Variants in C5orf46 observed in about 807,000 individuals in gnomAD.
C5orf46 encodes the protein chromosome 5 open reading frame 46, also known as uncharacterized protein C5orf46.
A neutral mutation model predicts 8.9 loss-of-function variants in C5orf46; 9 were observed. That is an observed-to-expected ratio of 1.01 (90% CI 0.61 to 1.76). The LOEUF is 1.76. Among genes scored for constraint, C5orf46 ranks in the 40% most tolerant of loss-of-function variants. The probability of loss-of-function intolerance (pLI) is 0.00; values close to 1 mark genes in which losing one functional copy is unlikely to be tolerated. For missense variants in C5orf46, 98 were observed against 107.8 expected, an observed-to-expected ratio of 0.91 and a Z score of 0.40; for synonymous variants, 47 against 41.4, an observed-to-expected ratio of 1.14 and a Z score of -0.52.
chr5:147,892,476 T>C (rs1757517238), downstream of C5orf46, among the ~76,000 whole-genome samples: 2 of 152,190 alleles, frequency 1.3e-5, no homozygotes, highest in African/African-American at 4.8e-5. Flanking sequence ...ATTGCATACA[T>C]TTTTAGGAGT....
rs1361848127 is a variant in C5orf46, at chr5:147,892,841, A to T, written c.*108T>A. 6.6e-6 allele frequency: 1 copy of T among 152,168 alleles called. No homozygotes were observed. Among genetic ancestry groups the T allele is most frequent in the Admixed American group, 6.5e-5 (1 of 15,268 alleles). 9.4% of individuals were successfully genotyped at this position (152,168 alleles called of 1,614,324 possible). On this transcript the variant is annotated 3_prime_UTR_variant, in exon 4 of 4. Transcript: ENST00000318315. Reference sequence around the variant, plus strand: ...GCCTGAATCCTGAGAACTCGTTGGGAGTTGCTTTGAGGGCTCTGTCCTGGA... The same window carrying T: ...GCCTGAATCCTGAGAACTCGTTGGGTGTTGCTTTGAGGGCTCTGTCCTGGA...
chr5:147,899,534 C>T (rs998448246), intron 2 of C5orf46, among the ~76,000 whole-genome samples: 1 of 152,122 alleles, frequency 6.6e-6, no homozygotes, highest in African/African-American at 2.4e-5. Context: ...GATATCTTTC[C>T]TTAATTAATT....
At chr5:147,886,348 C>CT (rs1325721120) in intron 2 of C5orf46, 1 of 151,912 alleles carries the variant, frequency 6.6e-6, no homozygotes, top group East Asian at 1.9e-4. Context: ...AGAAAATATG[C>CT]TGGATTGCTC....
At chr5:147,893,437 A>C (rs1757532757) in intron 3 of C5orf46, among the ~76,000 whole-genome samples, 1 of 151,686 alleles carries the variant, frequency 6.6e-6, no homozygotes, top group African/African-American at 2.4e-5. Flanking sequence ...GGCACCCGCT[A>C]CCACACCTGG....
At chr5:147,904,910 C>T (rs1029666409) in intron 1 of C5orf46, among the ~76,000 whole-genome samples, 12 of 149,684 alleles carry the variant, frequency 8.0e-5, no homozygotes, top group African/African-American at 2.7e-4. Context: ...ATCGTAGTAC[C>T]AATCCCAAGA....
chr5:147,886,306 T>G (rs1757415717), intron 2 of C5orf46: 1 of 152,142 alleles, frequency 6.6e-6, no homozygotes, highest in South Asian at 2.1e-4. Context: ...CAGCATAGTT[T>G]TGCAAGATAC....
chr5:147,901,632 C>A lies in C5orf46; in HGVS notation c.212G>T (p.Ser71Ile). The A allele has an allele frequency of 6.2e-7, 1 of 1,613,808 alleles. No homozygotes were observed. The highest frequency in any genetic ancestry group is 8.5e-7 in the Non-Finnish European group (1 of 1,179,858). The change falls in exon 2 of 4, where the codon AGC (serine) becomes ATC (isoleucine). Residue 71 changes from serine (S) to isoleucine (I), a missense_variant. Transcript: ENST00000318315. ...CAACGTTTTTCTCAGTGCTTACGTG[C>A]TCCTGGACATGGAGCGGAGGATGAA... ...VEFILRSMSR[S>I]TGFMEFDDNE...
chr5:147,889,343 G>A (rs1234571862), downstream of C5orf46, among the ~76,000 whole-genome samples: 1 of 152,164 alleles, frequency 6.6e-6, no homozygotes, highest in Non-Finnish European at 1.5e-5. Flanking sequence ...AGGGACAACA[G>A]CAACAATATT....
downstream of C5orf46, among the ~76,000 whole-genome samples, chr5:147,891,039 T>C (rs545308989): frequency 3.3e-5 from 5 of 152,176 alleles, no homozygotes; most frequent in Admixed American, 1.3e-4. Context: ...ATAGTGATGA[T>C]GTAGATTGTG....
rs1178866813 is a variant in C5orf46, at chr5:147,901,727, T to C, written c.117A>G (p.Lys39=). ...KPDDKPDDSG[K]DPKPDFPKFL... ...ATTTGGGGAAGTCTGGCTTTGGGTC[T>C]TTGCCCGAGTCGTCTGGCTTGTCGT... Residue 39 remains lysine, a synonymous_variant, in exon 2 of 4, where the codon AAA becomes AAG. Coordinates refer to ENST00000318315, the MANE Select transcript of C5orf46 (RefSeq NM_206966.3). 6.2e-7 allele frequency: 1 copy of C among 1,613,898 alleles called. No homozygotes were observed. The highest frequency in any genetic ancestry group is 1.7e-5 in the Admixed American group (1 of 59,996).
At chr5:147,893,324 C>A (rs1757530644) in intron 3 of C5orf46, among the ~76,000 whole-genome samples, 1 of 147,938 alleles carries the variant, frequency 6.8e-6, no homozygotes, top group Admixed American at 6.8e-5. Flanking sequence ...CTCTCTGTTG[C>A]CCAGGCTGGA....
At chr5:147,891,225 C>A (rs17703766), downstream of C5orf46, among the ~76,000 whole-genome samples, 10,045 of 152,194 alleles carry the variant, frequency 0.066, 634 homozygotes, top group Admixed American at 0.21. Flanking sequence ...ACTTCAATCG[C>A]ATTGCAGTTA....
rs567211106 is a variant in C5orf46, at chr5:147,900,334, A to G, written c.215+1295T>C. Reference sequence around the variant, plus strand: ...ACACTGCCCAATCAGATGACAATCTATCCCTTTAAGCAGATCAGAGATTAC... The same window carrying G: ...ACACTGCCCAATCAGATGACAATCTGTCCCTTTAAGCAGATCAGAGATTAC... On this transcript the variant is annotated intron_variant, in intron 2 of 3. Transcript: ENST00000318315. 3.3e-4 allele frequency among the ~76,000 whole-genome samples: 51 copies of G among 152,326 alleles called. No homozygotes were observed. The South Asian group carries it at 0.011, about 32-fold the overall frequency.
chr5:147,889,529 T>C (rs77500489), downstream of C5orf46, among the ~76,000 whole-genome samples: 24,671 of 152,126 alleles, frequency 0.16, 2,203 homozygotes, highest in Admixed American at 0.28. Flanking sequence ...AATTAGTACA[T>C]ATTAAAAAGT....
chr5:147,896,760 A>G (rs1757586629), intron 3 of C5orf46, among the ~76,000 whole-genome samples: 1 of 152,180 alleles, frequency 6.6e-6, no homozygotes, highest in African/African-American at 2.4e-5. Flanking sequence ...CAAACTTGCC[A>G]TCCTTATTCA....
chr5:147,900,945 T>C (rs1010208319), intron 2 of C5orf46, among the ~76,000 whole-genome samples: 5 of 152,196 alleles, frequency 3.3e-5, no homozygotes, highest in African/African-American at 1.2e-4. Context: ...TATTGGGAAT[T>C]AGACACAGGC....
intron 2 of C5orf46, among the ~76,000 whole-genome samples, chr5:147,899,993 C>A (rs1270643585): frequency 6.6e-6 from 1 of 152,164 alleles, no homozygotes; most frequent in Non-Finnish European, 1.5e-5. Flanking sequence ...AGAGAGTCGA[C>A]TCTTATGGTT....
intron 2 of C5orf46, 39 bp from the exon 3 acceptor site, chr5:147,897,080 C>T (rs1223258891): frequency 9.8e-7 from 1 of 1,022,158 alleles, no homozygotes; most frequent in African/African-American, 1.6e-5. Context: ...ACAATTGAGA[C>T]TGAACAGGAG....
At chr5:147,894,558 T>A (rs1288042756) in intron 3 of C5orf46, among the ~76,000 whole-genome samples, 3 of 152,134 alleles carry the variant, frequency 2.0e-5, no homozygotes, top group African/African-American at 4.8e-5. Flanking sequence ...CTCCAGATAT[T>A]CCTTCTTATC....
Sources: allele counts gnomAD v4.1 joint callset (sites outside exome capture counted in the v4.1 genomes callset), GRCh38; gene constraint gnomAD v4.1.1; transcripts MANE v1.5; gene names NCBI Gene and HGNC (gene_info 2026-07-23, HGNC 2026-07-21).